The following SYNE2 variants were observed in gnomAD, a reference collection of about 807,000 sequenced individuals.
SYNE2 encodes spectrin repeat containing nuclear envelope protein 2, also known as nesprin-2.
A neutral mutation model predicts 856.3 loss-of-function variants in SYNE2; 431 were observed. The observed-to-expected ratio is 0.50, with a 90% CI of 0.47 to 0.55. SYNE2 has a LOEUF of 0.55. Among genes scored for constraint, SYNE2 ranks in the 20% least tolerant of loss-of-function variants. The pLI is 0.00. For missense variants in SYNE2, 8,129 were observed against 8,023.2 expected (o/e 1.01, Z -0.50); for synonymous variants, 2,923 against 2,872.3 (o/e 1.02, Z -0.56).
chr14:63,989,627 C>T (rs1418532835), intron 19 of SYNE2, among the ~76,000 whole-genome samples: 7 of 148,870 alleles, frequency 4.7e-5, no homozygotes, highest in South Asian at 4.3e-4. Flanking sequence ...CATGAGCCAC[C>T]GGCAGTTTTA....
chr14:63,825,053 T>A (rs8010094), intron 1 of SYNE2, among the ~76,000 whole-genome samples: 86,753 of 151,604 alleles, frequency 0.57, 25,302 homozygotes, highest in South Asian at 0.69. Context: ...TGACCTGAGA[T>A]CATGCCACTG....
intron 19 of SYNE2, 63 bp from the exon 20 acceptor site, chr14:63,990,348 T>C: frequency 2.6e-6 from 4 of 1,529,612 alleles, no homozygotes; most frequent in Non-Finnish European, 3.6e-6. Flanking sequence ...GAGATTGTTT[T>C]GATTAATGTT....
At chr14:63,992,675 C>T (rs1220234586) in intron 21 of SYNE2, among the ~76,000 whole-genome samples, 2 of 152,138 alleles carry the variant, frequency 1.3e-5, no homozygotes, top group Non-Finnish European at 2.9e-5. Context: ...CCCCATTTTG[C>T]CAATGGCATT....
intron 100 of SYNE2, among the ~76,000 whole-genome samples, chr14:64,206,645 T>C (rs2140083847): frequency 6.6e-6 from 1 of 152,210 alleles, no homozygotes; most frequent in South Asian, 2.1e-4. Context: ...ACCCTAAATA[T>C]TAATCAGTTT....
At chr14:63,792,414 G>T (rs972267268) in intron 1 of SYNE2, among the ~76,000 whole-genome samples, 1 of 152,066 alleles carries the variant, frequency 6.6e-6, no homozygotes, top group Non-Finnish European at 1.5e-5. Context: ...CATTAGGCTG[G>T]CGTGGTGATG....
chr14:64,092,818 C>G (rs971096778), intron 60 of SYNE2, among the ~76,000 whole-genome samples: 8 of 152,228 alleles, frequency 5.3e-5, no homozygotes, highest in Admixed American at 1.3e-4. Context: ...CCCTCAGCCT[C>G]TTACTCGTAA....
At chr14:63,877,670 G>A (rs2094757778) in intron 1 of SYNE2, among the ~76,000 whole-genome samples, 1 of 152,188 alleles carries the variant, frequency 6.6e-6, no homozygotes, top group Non-Finnish European at 1.5e-5. Context: ...TCAGCAAGTG[G>A]AGCTTGATAT....
intron 11 of SYNE2, among the ~76,000 whole-genome samples, chr14:63,970,651 C>CTTTTTTTTTTTTTTTTTTTTTT (rs61126600): frequency 1.6e-4 from 16 of 98,888 alleles, no homozygotes; most frequent in African/African-American, 2.2e-4. Flanking sequence ...TTTCTTTTTT[C>CTTTTTTTTTTTTTTTTTTTTTT]TTTTTTTTTT....
In SYNE2 at chr14:63,924,834, GTTTTTTTTTTTTTTT is replaced by G. The variant is rs1160819887; in HGVS notation, c.79+15622_79+15636del. On this transcript the variant is annotated intron_variant, in intron 2 of 115. Coordinates refer to ENST00000555002, the MANE Select transcript of SYNE2 (RefSeq NM_182914.3). ...TAACTTTTTTCCTTCCAGCCTTGGT[GTTTTTTTTTTTTTTT>G]TTTTTTTTTTTTTTGCCTTACTCCA... is the stretch of plus-strand genomic sequence containing the variant. 1.1e-4 allele frequency among the ~76,000 whole-genome samples: 6 copies of G among 56,416 alleles called. 1 individual carries two copies. Among genetic ancestry groups the G allele is most frequent in the Admixed American group, 6.9e-4 (3 of 4,360 alleles). The allele number at this position is 56,416 out of a possible 152,430, so 37.0% of individuals were successfully genotyped here.
In SYNE2 at chr14:64,100,534, ATATATATATATAT is replaced by A. The variant is rs2097717708; in HGVS notation, c.12382-1397_12382-1385del. On this transcript the variant is annotated intron_variant, in intron 63 of 115. Coordinates refer to ENST00000555002, the MANE Select transcript of SYNE2 (RefSeq NM_182914.3). ...TGTCTCAAAAAAAAAAAAAAAAAAT[ATATATATATATAT>A]ATATATATATATATATATATATATT... Among the ~76,000 whole-genome samples, 75 of 46,610 alleles carry A rather than the reference ATATATATATATAT, an allele frequency of 1.6e-3. 4 individuals are homozygous for A. The highest frequency in any genetic ancestry group is 0.016 in the East Asian group (17 of 1,090). The allele number at this position is 46,610 out of a possible 152,430, so 30.6% of individuals were successfully genotyped here.
chr14:64,091,513 A>T (rs1345769714), intron 60 of SYNE2, among the ~76,000 whole-genome samples: 1 of 152,240 alleles, frequency 6.6e-6, no homozygotes, highest in Non-Finnish European at 1.5e-5. Context: ...TTGCTGAAAG[A>T]CCACAGAGTT....
Position 64,134,091 on chromosome 14 carries a change from A to T in SYNE2, c.14537A>T (p.Asn4846Ile), listed in dbSNP as rs2098057546. Residue 4846 changes from asparagine (N) to isoleucine (I), a missense_variant, in exon 78 of 116, where the codon AAC (asparagine) becomes ATC (isoleucine). Physicochemically the swap from Asn to Ile is moderately radical, Grantham distance 149. Transcript: ENST00000555002. ...TAGAAATGGGAAGAATTTGATGAAA[A>T]CTATGCATCTCTTGAAAAGGACCTG... Reference protein sequence around the residue: ...LLQKWEEFDENYASLEKDLEI... With the variant: ...LLQKWEEFDEIYASLEKDLEI... The T allele has an allele frequency of 6.2e-6, 10 of 1,614,110 alleles. No individual in the cohort carries two copies. The highest frequency in any genetic ancestry group is 8.5e-6 in the Non-Finnish European group (10 of 1,179,986).
intron 1 of SYNE2, among the ~76,000 whole-genome samples, chr14:63,857,078 T>C (rs1891989924): frequency 6.6e-6 from 1 of 152,184 alleles, no homozygotes; most frequent in South Asian, 2.1e-4. Flanking sequence ...CGTGTTTACA[T>C]TTGAGAAGTT....
At chr14:64,079,767 G>C (rs2097503419) in intron 55 of SYNE2, among the ~76,000 whole-genome samples, 1 of 152,054 alleles carries the variant, frequency 6.6e-6, no homozygotes, top group South Asian at 2.1e-4. Flanking sequence ...GGAGTGCAGT[G>C]GTGTGATCAA....
rs564374373 is a variant in SYNE2 at position 63,804,741 on chromosome 14, G to A, written c.-305+42755G>A. Among the ~76,000 whole-genome samples the A allele has an allele frequency of 6.6e-5, 10 of 152,236 alleles. No homozygotes were observed. In the South Asian group the frequency reaches 1.9e-3, roughly 28 times the overall value. On this transcript the variant is annotated intron_variant, in intron 1 of 23. Coordinates refer to the SYNE2 transcript ENST00000674003. ...ACTCTCGAACTCAGGTGATCCGCCC[G>A]CCTTGGCCTCCCAAAGTGCTGTGAT...
rs2097343264 is a variant in SYNE2, at chr14:64,064,560, T to TA, written c.10213-872_10213-871insA. Among the ~76,000 whole-genome samples the TA allele has an allele frequency of 3.3e-5, 5 of 149,626 alleles. No homozygotes were observed. The South Asian group carries it at 1.1e-3, about 32-fold the overall frequency. ...CTTTTAGATTTTTTTTTTTTTTTTT[T>TA]TTTTTTTAAATAAGACAGGGTCTTG... On this transcript the variant is annotated intron_variant, in intron 50 of 115. Coordinates refer to ENST00000555002, the MANE Select transcript of SYNE2 (RefSeq NM_182914.3).
In SYNE2 at chr14:64,162,172, G is replaced by T. The variant is rs140265039; in HGVS notation, c.16195G>T (p.Ala5399Ser). Residue 5399 changes from alanine (A) to serine (S), a missense_variant, in exon 88 of 116, where the codon GCA becomes TCA. Physicochemically the swap from Ala to Ser is moderately conservative, Grantham distance 99. Around this residue, in one of 3 missense-constraint regions of SYNE2, gnomAD observed 5,410 missense variants for 5,284.8 expected, o/e 1.02. Coordinates refer to ENST00000555002, the MANE Select transcript of SYNE2 (RefSeq NM_182914.3). ...TAGCAATGCTCATGGTGAAGCTGCCGCAAGGCTGAAGCAGCAGGAAGCAAA... is the reference window on the plus strand; with the variant it reads ...TAGCAATGCTCATGGTGAAGCTGCCTCAAGGCTGAAGCAGCAGGAAGCAAA... ...AYSNAHGEAA[A>S]RLKQQEAKFQ... 1 of 1,614,220 alleles carries T rather than the reference G, an allele frequency of 6.2e-7. No homozygotes were observed. The highest frequency in any genetic ancestry group is 8.5e-7 in the Non-Finnish European group (1 of 1,180,028).
At chr14:63,941,382 G>C (rs1480107250) in intron 3 of SYNE2, among the ~76,000 whole-genome samples, 1 of 152,198 alleles carries the variant, frequency 6.6e-6, no homozygotes, top group South Asian at 2.1e-4. Flanking sequence ...AATGTAATCT[G>C]CTTTCCAGAT....
intron 49 of SYNE2, among the ~76,000 whole-genome samples, chr14:64,060,507 T>TTGC (rs775348607): frequency 3.9e-5 from 6 of 152,120 alleles, no homozygotes; most frequent in Non-Finnish European, 7.4e-5. Flanking sequence ...ACTTAGCTGG[T>TTGC]ATCCAAGTTG....
Sources: gnomAD v4.1 joint callset for allele counts (sites outside exome capture counted in the v4.1 genomes callset) on GRCh38, gnomAD v4.1.1 for gene constraint, gnomAD v4.1.1 regional missense constraint, MANE v1.5 for transcripts, NCBI Gene and HGNC (gene_info 2026-07-23, HGNC 2026-07-21) for gene names.